The following DACH1 variants were observed in gnomAD, a reference collection of about 807,000 sequenced individuals.
DACH1 encodes dachshund homolog 1.
In DACH1, 12 loss-of-function variants were observed where a neutral mutation model predicts 54.2. The observed-to-expected ratio is 0.22, with a 90% CI of 0.14 to 0.36. DACH1 has a LOEUF of 0.36. Among genes scored for constraint, DACH1 ranks in the 10% least tolerant of loss-of-function variants. The probability of loss-of-function intolerance (pLI) is 1.00; values close to 1 mark genes in which losing one functional copy is unlikely to be tolerated. For missense variants in DACH1, 805 were observed against 929.8 expected (o/e 0.87, Z 1.75); for synonymous variants, 386 against 366.2 (o/e 1.05, Z -0.62).
intron 2 of DACH1, among the ~76,000 whole-genome samples, chr13:71,637,179 C>T (rs767062417): frequency 2.0e-5 from 3 of 151,948 alleles, no homozygotes; most frequent in Non-Finnish European, 4.4e-5. Context: ...TCTGGGATGG[C>T]GCAGCGAGTT....
chr13:71,657,004 A>G (rs1267195910), intron 2 of DACH1, among the ~76,000 whole-genome samples: 4 of 134,254 alleles, frequency 3.0e-5, no homozygotes, highest in Non-Finnish European at 4.6e-5. Flanking sequence ...AGGTATGTGT[A>G]TATATATATA....
intron 3 of DACH1, among the ~76,000 whole-genome samples, chr13:71,581,093 C>T (rs1872820276): frequency 6.7e-6 from 1 of 149,572 alleles, no homozygotes; most frequent in African/African-American, 2.5e-5. Context: ...GTAAGACTAA[C>T]TTTCAATCAG....
intron 1 of DACH1, among the ~76,000 whole-genome samples, chr13:71,863,898 A>G (rs535370313): frequency 1.1e-3 from 161 of 151,344 alleles, no homozygotes; most frequent in Non-Finnish European, 2.0e-3. Flanking sequence ...AGAGAAAAAA[A>G]AAGTAGCAAT....
intron 4 of DACH1, among the ~76,000 whole-genome samples, chr13:71,561,829 T>C (rs941729488): frequency 6.6e-5 from 10 of 152,052 alleles, no homozygotes; most frequent in African/African-American, 2.4e-4. Context: ...CCAATAAACA[T>C]CTTCAACAGA....
chr13:71,581,021 G>A (rs1194863587), intron 3 of DACH1, among the ~76,000 whole-genome samples: 2 of 147,498 alleles, frequency 1.4e-5, no homozygotes, highest in Non-Finnish European at 3.0e-5. Context: ...TAAGTTCCAC[G>A]TGGTCAAGCC....
At chr13:71,753,956 T>A (rs1039279567) in intron 1 of DACH1, among the ~76,000 whole-genome samples, 19 of 152,292 alleles carry the variant, frequency 1.2e-4, no homozygotes, top group African/African-American at 4.6e-4. Context: ...ATATTTTAAT[T>A]GGTTCAGGCC....
intron 2 of DACH1, among the ~76,000 whole-genome samples, chr13:71,636,313 A>T (rs1395382310): frequency 6.6e-6 from 1 of 152,148 alleles, no homozygotes; most frequent in African/African-American, 2.4e-5. Flanking sequence ...TCTAAATTTT[A>T]TTTTAAAAGA....
At chr13:71,589,893 A>G (rs1424252475) in intron 3 of DACH1, among the ~76,000 whole-genome samples, 2 of 152,084 alleles carry the variant, frequency 1.3e-5, no homozygotes, top group Non-Finnish European at 2.9e-5. Context: ...TGCTAAAAGT[A>G]TAATTAATAA....
chr13:71,833,460 G>A (rs893780023), intron 1 of DACH1, among the ~76,000 whole-genome samples: 11 of 152,002 alleles, frequency 7.2e-5, no homozygotes, highest in African/African-American at 7.2e-5. Context: ...GGAAAACAAC[G>A]ATGTTGATAG....
chr13:71,846,279 C>G (rs1023623512), intron 1 of DACH1: 1 of 238,228 alleles, frequency 4.2e-6, no homozygotes. Flanking sequence ...GGCCACTGGA[C>G]ACAGAATCCA....
At chr13:71,471,199 G>A (rs907134434) in intron 10 of DACH1, among the ~76,000 whole-genome samples, 1 of 151,830 alleles carries the variant, frequency 6.6e-6, no homozygotes, top group African/African-American at 2.4e-5. Flanking sequence ...GGATGAGGGA[G>A]TGAGGGAGGG....
At chr13:71,726,203 G>A (rs554948415) in intron 1 of DACH1, among the ~76,000 whole-genome samples, 25 of 152,132 alleles carry the variant, frequency 1.6e-4, no homozygotes, top group African/African-American at 5.8e-4. Flanking sequence ...CGAATAGACC[G>A]CATGTTGAAG....
chr13:71,701,729 G>C (rs1034811225), intron 1 of DACH1, among the ~76,000 whole-genome samples: 1 of 152,124 alleles, frequency 6.6e-6, no homozygotes, highest in Non-Finnish European at 1.5e-5. Flanking sequence ...TCCTGTGTGA[G>C]ATGATAAAAT....
At chr13:71,675,384 C>T (rs1215834846) in intron 2 of DACH1, 5 of 1,474,650 alleles carry the variant, frequency 3.4e-6, no homozygotes, top group Non-Finnish European at 4.7e-6. Context: ...TTTTTGAAGA[C>T]ACCAACCTGT....
At chr13:71,842,686 A>C (rs571530901) in intron 1 of DACH1, among the ~76,000 whole-genome samples, 2 of 152,272 alleles carry the variant, frequency 1.3e-5, no homozygotes, top group South Asian at 4.1e-4. Context: ...TAAGATGGTA[A>C]AGGATTATGG....
At chr13:71,467,974 T>C (rs1241164234) in intron 10 of DACH1, among the ~76,000 whole-genome samples, 2 of 152,162 alleles carry the variant, frequency 1.3e-5, no homozygotes, top group Non-Finnish European at 2.9e-5. Flanking sequence ...AGTCCTGATT[T>C]GTTTGTTTGT....
chr13:71,664,985 C>G (rs1170505569), intron 2 of DACH1, among the ~76,000 whole-genome samples: 4 of 151,868 alleles, frequency 2.6e-5, no homozygotes, highest in Admixed American at 6.6e-5. Flanking sequence ...TAAATAATAA[C>G]ACAGAGATTT....
intron 1 of DACH1, among the ~76,000 whole-genome samples, chr13:71,739,401 T>A (rs1884288856): frequency 6.6e-6 from 1 of 152,198 alleles, no homozygotes; most frequent in African/African-American, 2.4e-5. Context: ...TATAAAATTG[T>A]AAGCATCTTT....
intron 1 of DACH1, among the ~76,000 whole-genome samples, chr13:71,808,408 T>C (rs906766746): frequency 6.6e-6 from 1 of 152,160 alleles, no homozygotes; most frequent in African/African-American, 2.4e-5. Context: ...GAATTTCTAC[T>C]ACACTTTTGC....
Sources: gnomAD v4.1 joint callset for allele counts (sites outside exome capture counted in the v4.1 genomes callset) on GRCh38, gnomAD v4.1.1 for gene constraint, MANE v1.5 for transcripts, NCBI Gene and HGNC (gene_info 2026-07-23, HGNC 2026-07-21) for gene names.